ODAD2: variants seen among roughly 807,000 people sequenced by gnomAD.
ODAD2 encodes outer dynein arm docking complex subunit 2.
In ODAD2, 89 loss-of-function variants were observed where a neutral mutation model predicts 106.8. The ratio of observed to expected loss-of-function variants is 0.83; its 90% CI spans 0.70 to 0.99. The LOEUF (loss-of-function observed/expected upper bound fraction) is 0.99, where lower values mean the gene tolerates loss of function less well. Among genes scored for constraint, ODAD2 ranks in the 50% least tolerant of loss-of-function variants. The pLI, the probability that ODAD2 is intolerant of heterozygous loss-of-function variation, is 0.00. For synonymous variants in ODAD2, 404 were observed against 436.2 expected (o/e 0.93, Z 0.92); for missense variants, 1,168 against 1,238.5 (o/e 0.94, Z 0.85).
intron 16 of ODAD2, among the ~76,000 whole-genome samples, chr10:27,923,819 C>T (rs1844962653): frequency 6.6e-6 from 1 of 151,718 alleles, no homozygotes. Context: ...TGTGGAGGCA[C>T]ATACCTGTAG....
chr10:27,971,252 T>C lies in ODAD2; in HGVS notation c.998A>G (p.Lys333Arg). 3 of 1,613,842 alleles carry C rather than the reference T, an allele frequency of 1.9e-6. No individual in the cohort carries two copies. Among genetic ancestry groups the C allele is most frequent in the South Asian group, 1.1e-5 (1 of 91,040 alleles). The change falls in exon 8 of 20, where the codon AAG (lysine) becomes AGG (arginine). Residue 333 changes from lysine to arginine, a missense_variant. Lys to Arg is a conservative substitution (Grantham distance 26). Transcript: ENST00000305242. ...TTTGCGGAGGGCAGCTGCTTCTTCCTTCTTGGGGGCTTTGCCAAGCTGATC... is the reference window on the plus strand; with the variant it reads ...TTTGCGGAGGGCAGCTGCTTCTTCCCTCTTGGGGGCTTTGCCAAGCTGATC... Reference protein sequence around the residue: ...EKDQLGKAPKKEEAAALRKDI... With the variant: ...EKDQLGKAPKREEAAALRKDI...
chr10:27,996,188 T>A (rs112473879), intron 1 of ODAD2, among the ~76,000 whole-genome samples: 1 of 152,220 alleles, frequency 6.6e-6, no homozygotes, highest in African/African-American at 2.4e-5. Flanking sequence ...ATAGCACTTA[T>A]TGATAAAATC....
rs78414228 is a variant in ODAD2 at position 27,907,496 on chromosome 10, G to GAA, written c.2610+165_2610+166dup. ...TTGCTTTGCATTTTAAAACTGACCA[G>GAA]AAAAAAAGCAATGCTCCGAAATTAT... On this transcript the variant is annotated intron_variant, in intron 17 of 19. Transcript: ENST00000305242. 5.9e-5 allele frequency among the ~76,000 whole-genome samples: 9 copies of GAA among 152,002 alleles called. No homozygotes were observed. In the East Asian group the frequency reaches 1.3e-3, roughly 23 times the overall value.
At chr10:27,890,905 A>G (rs938125006) in intron 17 of ODAD2, among the ~76,000 whole-genome samples, 38 of 152,310 alleles carry the variant, frequency 2.5e-4, no homozygotes, top group African/African-American at 9.1e-4. Flanking sequence ...AGGGAGGCAG[A>G]ACCCAAATGC....
chr10:27,835,124 C>T (rs951965487), intron 19 of ODAD2, among the ~76,000 whole-genome samples: 12 of 152,290 alleles, frequency 7.9e-5, no homozygotes, highest in Admixed American at 2.0e-4. Context: ...CTCTCAAGGC[C>T]GGCACAGTCC....
chr10:27,850,473 C>T (rs990515691), intron 19 of ODAD2, among the ~76,000 whole-genome samples: 2 of 146,418 alleles, frequency 1.4e-5, no homozygotes, highest in African/African-American at 5.0e-5. Context: ...AAAAGAATCA[C>T]TTGAACGTGG....
intron 17 of ODAD2, among the ~76,000 whole-genome samples, chr10:27,882,242 ACT>A (rs1347668076): frequency 6.6e-6 from 1 of 151,584 alleles, no homozygotes; most frequent in Non-Finnish European, 1.5e-5. Flanking sequence ...AGAAATATGA[ACT>A]CTCTGATCTC....
chr10:27,917,077 C>G (rs936463220), intron 16 of ODAD2, among the ~76,000 whole-genome samples: 1 of 152,130 alleles, frequency 6.6e-6, no homozygotes, highest in African/African-American at 2.4e-5. Flanking sequence ...AAAACTACTG[C>G]AGAATACACA....
intron 18 of ODAD2, 42 bp from the exon 19 acceptor site, chr10:27,860,888 A>T (rs1195497190): frequency 1.3e-6 from 2 of 1,536,724 alleles, no homozygotes; most frequent in South Asian, 1.1e-5. Context: ...CATTGTAATG[A>T]CCCTGCAAGA....
chr10:27,822,042 G>A (rs1836655238), intron 19 of ODAD2, among the ~76,000 whole-genome samples: 5 of 152,146 alleles, frequency 3.3e-5, no homozygotes, highest in Non-Finnish European at 7.3e-5. Context: ...GAACAAGAAC[G>A]TGGGGACAGG....
At chr10:27,931,000 T>C (rs941831361) in intron 16 of ODAD2, among the ~76,000 whole-genome samples, 5 of 152,224 alleles carry the variant, frequency 3.3e-5, no homozygotes, top group African/African-American at 1.2e-4. Context: ...AAATGACATG[T>C]CCGTATGACT....
At chr10:27,899,180 C>T (rs901233276) in intron 17 of ODAD2, among the ~76,000 whole-genome samples, 18 of 151,702 alleles carry the variant, frequency 1.2e-4, no homozygotes, top group African/African-American at 3.1e-4. Flanking sequence ...CAGACTGGGG[C>T]GTCACCTCAC....
At chr10:27,899,380 G>T (rs1843047437) in intron 17 of ODAD2, among the ~76,000 whole-genome samples, 1 of 152,082 alleles carries the variant, frequency 6.6e-6, no homozygotes, top group South Asian at 2.1e-4. Flanking sequence ...GCACAAAACT[G>T]GGGGGCCATT....
At chr10:27,998,942 C>CCGCCGT in intron 1 of ODAD2, 52 bp downstream of exon 1, 1 of 157,826 alleles carries the variant, frequency 6.3e-6, no homozygotes, top group Non-Finnish European at 1.4e-5. Context: ...GCCGCCGCCG[C>CCGCCGT]CGCCTTCCGC....
chr10:27,826,321 A>T (rs1247528806), intron 19 of ODAD2, among the ~76,000 whole-genome samples: 1 of 152,202 alleles, frequency 6.6e-6, no homozygotes, highest in Admixed American at 6.5e-5. Context: ...CGGATCATGT[A>T]CATCCATTGC....
chr10:27,831,820 C>G (rs927502964), intron 19 of ODAD2, among the ~76,000 whole-genome samples: 3 of 152,234 alleles, frequency 2.0e-5, no homozygotes, highest in Non-Finnish European at 4.4e-5. Flanking sequence ...TTGTTCTACT[C>G]AATGGAGCCT....
At chr10:27,958,375 T>G (rs1255861964) in intron 10 of ODAD2, among the ~76,000 whole-genome samples, 1 of 152,326 alleles carries the variant, frequency 6.6e-6, no homozygotes, top group South Asian at 2.1e-4. Flanking sequence ...TGAGAAACTC[T>G]CTTTGCCATG....
At chr10:27,945,167 G>C (rs1846807740) in intron 10 of ODAD2, among the ~76,000 whole-genome samples, 1 of 152,172 alleles carries the variant, frequency 6.6e-6, no homozygotes, top group African/African-American at 2.4e-5. Flanking sequence ...TTTAAAGGCA[G>C]GCTGTCTCCT....
chr10:27,936,100 T>C (rs1197967797), intron 15 of ODAD2, among the ~76,000 whole-genome samples: 2 of 152,128 alleles, frequency 1.3e-5, no homozygotes, highest in African/African-American at 4.8e-5. Context: ...TGTTAAATGG[T>C]CGGGACGTGA....
Sources: allele counts gnomAD v4.1 joint callset (sites outside exome capture counted in the v4.1 genomes callset), GRCh38; gene constraint gnomAD v4.1.1; transcripts MANE v1.5; gene names NCBI Gene and HGNC (gene_info 2026-07-23, HGNC 2026-07-21).